FAM20C: variants seen among roughly 807,000 people sequenced by gnomAD.
The protein encoded by FAM20C is extracellular serine/threonine protein kinase FAM20C.
A neutral mutation model predicts 51.5 loss-of-function variants in FAM20C; 40 were observed. That is an observed-to-expected ratio of 0.78 (90% CI 0.60 to 1.01). The LOEUF (loss-of-function observed/expected upper bound fraction) is 1.01. Among genes scored for constraint, FAM20C ranks in the 50% least tolerant of loss-of-function variants. The probability of loss-of-function intolerance (pLI) is 0.00; values close to 1 mark genes in which losing one functional copy is unlikely to be tolerated. For missense variants in FAM20C, 861 were observed against 844.7 expected, an observed-to-expected ratio of 1.02 and a Z score of -0.24; for synonymous variants, 406 against 380.6, an observed-to-expected ratio of 1.07 and a Z score of -0.78.
intron 5 of FAM20C, among the ~76,000 whole-genome samples, chr7:249,739 C>T (rs917016397): frequency 1.9e-4 from 28 of 150,480 alleles, no homozygotes; most frequent in African/African-American, 6.8e-4. Flanking sequence ...GACCCTGTCT[C>T]AAAAAAAAAG....
At chr7:254,603 T>G (rs1043128086) in intron 5 of FAM20C, among the ~76,000 whole-genome samples, 1 of 152,236 alleles carries the variant, frequency 6.6e-6, no homozygotes, top group South Asian at 2.1e-4. Flanking sequence ...TTTATTAAGG[T>G]ATAATTCATG....
chr7:250,141 T>A (rs1235475122), intron 5 of FAM20C, among the ~76,000 whole-genome samples: 1 of 152,228 alleles, frequency 6.6e-6, no homozygotes, highest in Non-Finnish European at 1.5e-5. Context: ...TCAGATTTGC[T>A]GGCACATAAA....
intron 3 of FAM20C, among the ~76,000 whole-genome samples, chr7:235,891 T>C (rs1348107693): frequency 7.9e-5 from 12 of 152,224 alleles, no homozygotes; most frequent in African/African-American, 2.4e-5. Flanking sequence ...CAGGAAACAT[T>C]TGGGCGACTG....
Position 246,387 on chromosome 7 carries a change from C to A in FAM20C, c.864-28C>A, listed in dbSNP as rs761615358. 19 of 1,502,112 alleles carry A rather than the reference C, an allele frequency of 1.3e-5. No individual in the cohort carries two copies. In the Admixed American group the frequency reaches 3.4e-4, roughly 27 times the overall value. The allele number at this position is 1,502,112 out of a possible 1,614,324, so 93.0% of individuals were successfully genotyped here. On this transcript the variant is annotated intron_variant, in intron 3 of 9. Transcript: ENST00000313766. ...CCTGGAGGCTTTCTCAGTGACAAAC[C>A]GTTTCTGTTTCTGTCTTGTTTTCTC...
chr7:250,662 C>CAACCCTT, intron 5 of FAM20C, among the ~76,000 whole-genome samples: 1 of 152,174 alleles, frequency 6.6e-6, no homozygotes, highest in East Asian at 1.9e-4. Context: ...GCCCTTGGGT[C>CAACCCTT]GACCCTGACC....
At chr7:199,519 A>G (rs1266770826) in intron 2 of FAM20C, among the ~76,000 whole-genome samples, 2 of 152,218 alleles carry the variant, frequency 1.3e-5, no homozygotes, top group Non-Finnish European at 2.9e-5. Flanking sequence ...CATTCATCTT[A>G]CTATTAAACG....
At chr7:250,519 G>T (rs139910355) in intron 5 of FAM20C, among the ~76,000 whole-genome samples, 2 of 152,150 alleles carry the variant, frequency 1.3e-5, no homozygotes, top group African/African-American at 4.8e-5. Flanking sequence ...GATGGGGAAC[G>T]CATTGGCTCA....
In FAM20C at chr7:195,722, C is replaced by T; in HGVS notation, c.774C>T (p.Ile258=). 6.2e-7 allele frequency: 1 copy of T among 1,605,496 alleles called. No individual in the cohort carries two copies. Among genetic ancestry groups the T allele is most frequent in the Non-Finnish European group, 8.5e-7 (1 of 1,175,636 alleles). Residue 258 remains isoleucine, a synonymous_variant, in exon 2 of 10, where the codon ATC becomes ATT. Transcript: ENST00000313766. ...ALLHDLSSQR[I]TSVAMKSGGT... ...TGCACGACCTCAGCTCCCAGAGGAT[C>T]ACCAGCGTGGGTAGGTGTCCTTGGG...
At position 255,867 on chromosome 7, in the gene FAM20C, A is replaced by G. The variant is rs2115171292; in HGVS notation, c.1091A>G (p.Tyr364Cys). The part of the protein sequence containing the change: ...FISPANNICF[Y>C]GECSYYCSTE... ...TCCCCAGCCAACAACATCTGCTTCTACGGCGAGTGTTCCTACTACTGCTCC... is the reference window on the plus strand; with the variant it reads ...TCCCCAGCCAACAACATCTGCTTCTGCGGCGAGTGTTCCTACTACTGCTCC... Residue 364 changes from tyrosine (Y) to cysteine (C), a missense_variant, in exon 6 of 10, where the codon TAC becomes TGC. Transcript: ENST00000313766. 6.5e-7 allele frequency: 1 copy of G among 1,536,328 alleles called. No homozygotes were observed. The highest frequency in any genetic ancestry group is 8.7e-7 in the Non-Finnish European group (1 of 1,146,808).
At chr7:203,170 C>T (rs1406993361) in intron 2 of FAM20C, among the ~76,000 whole-genome samples, 1 of 152,192 alleles carries the variant, frequency 6.6e-6, no homozygotes, top group African/African-American at 2.4e-5. Flanking sequence ...GATCAGCTCT[C>T]AGTGGGTCCC....
At chr7:205,465 C>G (rs1013369335) in intron 2 of FAM20C, among the ~76,000 whole-genome samples, 4 of 152,202 alleles carry the variant, frequency 2.6e-5, no homozygotes, top group African/African-American at 9.7e-5. Flanking sequence ...GTCTCAAACA[C>G]TCGGCCTCGA....
intron 3 of FAM20C, among the ~76,000 whole-genome samples, chr7:216,584 C>T (rs1423200567): frequency 5.3e-5 from 8 of 151,880 alleles, no homozygotes; most frequent in African/African-American, 1.9e-4. Flanking sequence ...GCCCTCCCTG[C>T]TCTTTCCAGC....
chr7:228,984 C>T (rs900840038), intron 3 of FAM20C: 113 of 373,044 alleles, frequency 3.0e-4, no homozygotes, highest in Non-Finnish European at 1.9e-4. Flanking sequence ...TGAGTAGCGA[C>T]ACCAGGACCC....
intron 5 of FAM20C, among the ~76,000 whole-genome samples, chr7:253,446 A>G (rs1164011623): frequency 6.6e-6 from 1 of 152,148 alleles, no homozygotes; most frequent in East Asian, 1.9e-4. Context: ...TGGAGGAGGC[A>G]GGATCTCTCC....
chr7:219,246 G>C (rs964443188), intron 3 of FAM20C, among the ~76,000 whole-genome samples: 1 of 152,160 alleles, frequency 6.6e-6, no homozygotes, highest in Non-Finnish European at 1.5e-5. Context: ...GGTGGAGAAT[G>C]GGGGGAGGGG....
At chr7:253,361 C>T (rs1228786575) in intron 5 of FAM20C, among the ~76,000 whole-genome samples, 4 of 152,218 alleles carry the variant, frequency 2.6e-5, no homozygotes, top group Admixed American at 6.5e-5. Context: ...GAGCCATCTT[C>T]GTCCTTGCCA....
chr7:257,891 A>AGATGGGCTGGGT (rs1788668173), intron 8 of FAM20C, among the ~76,000 whole-genome samples: 4 of 31,100 alleles, frequency 1.3e-4, no homozygotes, highest in Admixed American at 2.5e-4. Context: ...CCCACTGCCC[A>AGATGGGCTGGGT]GGATGCTGGA....
chr7:205,446 C>T (rs1376349511), intron 2 of FAM20C, among the ~76,000 whole-genome samples: 2 of 152,266 alleles, frequency 1.3e-5, no homozygotes, highest in East Asian at 1.9e-4. Context: ...TGCTATGTTG[C>T]CCAGGCTGGT....
chr7:254,316 C>G (rs1327213953), intron 5 of FAM20C, among the ~76,000 whole-genome samples: 1 of 152,220 alleles, frequency 6.6e-6, no homozygotes, highest in African/African-American at 2.4e-5. Flanking sequence ...CAGGAGAGAC[C>G]CCTGGAATCA....
Sources: gnomAD v4.1 joint callset for allele counts (sites outside exome capture counted in the v4.1 genomes callset) on GRCh38, gnomAD v4.1.1 for gene constraint, MANE v1.5 for transcripts, NCBI Gene and HGNC (gene_info 2026-07-23, HGNC 2026-07-21) for gene names.